KLF12: variants seen among roughly 807,000 people sequenced by gnomAD.
KLF12 encodes Krueppel-like factor 12.
KLF12 carries 9 observed loss-of-function variants against 37.8 expected under a neutral mutation model. The ratio of observed to expected loss-of-function variants is 0.24; its 90% confidence interval spans 0.14 to 0.42. The LOEUF is 0.42. Ranked by LOEUF, KLF12 falls within the 10% of genes least tolerant of loss-of-function variation. The pLI is 1.00. For synonymous variants in KLF12, 208 were observed against 202.1 expected (o/e 1.03, Z -0.25); for missense variants, 411 against 516.0 (o/e 0.80, Z 1.97).
chr13:74,005,786 A>G (rs1892396064), intron 1 of KLF12, among the ~76,000 whole-genome samples: 1 of 152,142 alleles, frequency 6.6e-6, no homozygotes. Flanking sequence ...AAAACATACA[A>G]ATTTCCTTCA....
the KLF12 span, among the ~76,000 whole-genome samples, chr13:74,180,374 A>G: frequency 2.0e-5 from 3 of 152,162 alleles, no homozygotes; most frequent in African/African-American, 7.2e-5. Flanking sequence ...TTCTTTTCTC[A>G]TTTCTTCTAA....
At chr13:74,250,180 T>C in the KLF12 span, among the ~76,000 whole-genome samples, 2 of 152,056 alleles carry the variant, frequency 1.3e-5, no homozygotes, top group Non-Finnish European at 2.9e-5. Context: ...AGAGGGAAGA[T>C]TGAGGAATTC....
intron 3 of KLF12, among the ~76,000 whole-genome samples, chr13:73,926,628 CTCTTT>C (rs1445662478): frequency 3.9e-5 from 3 of 77,450 alleles, no homozygotes; most frequent in Non-Finnish European, 1.1e-4. Context: ...TTCTCTCTCT[CTCTTT>C]TTTTTTTTTT....
chr13:73,929,560 T>C (rs568652876), intron 3 of KLF12, among the ~76,000 whole-genome samples: 67 of 152,254 alleles, frequency 4.4e-4, no homozygotes, highest in African/African-American at 1.6e-3. Context: ...ATCCCCTCCG[T>C]ATAGTTTAAG....
intron 7 of KLF12, 134 bp downstream of exon 7, chr13:73,715,234 C>CATTCCGCCTA: frequency 1.6e-6 from 1 of 621,400 alleles, no homozygotes; most frequent in East Asian, 2.9e-5. Context: ...AGAGAGAATA[C>CATTCCGCCTA]ATTCCGCCTA....
chr13:73,721,718 A>AT (rs11390848), intron 6 of KLF12, among the ~76,000 whole-genome samples: 84,454 of 145,324 alleles, frequency 0.58, 25,353 homozygotes, highest in East Asian at 0.72. Flanking sequence ...TGCCTAGTTA[A>AT]TTTTTTTTTT....
At chr13:74,111,258 G>A (rs1016833085) in intron 1 of KLF12, among the ~76,000 whole-genome samples, 2 of 151,988 alleles carry the variant, frequency 1.3e-5, no homozygotes, top group Non-Finnish European at 2.9e-5. Context: ...GATGTACTCA[G>A]TGAAGGAAAA....
At chr13:73,871,625 A>AG (rs147320350) in intron 3 of KLF12, among the ~76,000 whole-genome samples, 2,387 of 152,236 alleles carry the variant, frequency 0.016, 63 homozygotes, top group African/African-American at 0.055. Context: ...TGGGCCCTTC[A>AG]CACATTCGCT....
intron 3 of KLF12, among the ~76,000 whole-genome samples, chr13:73,911,919 C>T (rs1331435810): frequency 6.6e-6 from 1 of 152,122 alleles, no homozygotes; most frequent in Non-Finnish European, 1.5e-5. Context: ...GTTTCTGTTC[C>T]TTTTATGTTT....
chr13:74,051,009 T>C (rs1048689319), intron 1 of KLF12, among the ~76,000 whole-genome samples: 4 of 152,158 alleles, frequency 2.6e-5, no homozygotes, highest in African/African-American at 7.2e-5. Flanking sequence ...GCTGTTAGAA[T>C]GGCCATTATC....
chr13:74,129,980 G>A (rs1013406513), intron 1 of KLF12, among the ~76,000 whole-genome samples: 3 of 152,164 alleles, frequency 2.0e-5, no homozygotes, highest in Non-Finnish European at 4.4e-5. Flanking sequence ...GAATTCTGGC[G>A]GGTGGAAGTC....
At position 73,715,449 on chromosome 13, in the gene KLF12, T is replaced by C; in HGVS notation, c.946A>G (p.Ile316Val). The stretch of plus-strand genomic sequence containing the variant: ...CATCCCTCAAAATCACATCTGTGGA[T>C]ACGCCGTTTTCTGGAGTCTGGGGAT... Residue 316 changes from isoleucine to valine, a missense_variant, in exon 7 of 8, where the codon ATC becomes GTC. This residue lies in a region of KLF12 where 351 missense variants were observed against 397.8 expected (regional missense o/e 0.88). Coordinates refer to ENST00000377669, the MANE Select transcript of KLF12 (RefSeq NM_007249.5). 6.2e-7 allele frequency: 1 copy of C among 1,614,130 alleles called. No individual in the cohort carries two copies.
At chr13:74,206,658 A>G in the KLF12 span, among the ~76,000 whole-genome samples, 3 of 152,358 alleles carry the variant, frequency 2.0e-5, no homozygotes. Context: ...GTTCTAGAAT[A>G]AGAATGAATG....
At chr13:73,919,635 T>G (rs1296850687) in intron 3 of KLF12, among the ~76,000 whole-genome samples, 1 of 152,218 alleles carries the variant, frequency 6.6e-6, no homozygotes, top group African/African-American at 2.4e-5. Context: ...TGCATTTCAC[T>G]CGTCTCCAAT....
intron 2 of KLF12, among the ~76,000 whole-genome samples, chr13:73,955,831 C>G (rs767265359): frequency 1.3e-5 from 2 of 152,170 alleles, no homozygotes; most frequent in Non-Finnish European, 2.9e-5. Context: ...TGCTAAATTT[C>G]AAAATTAGCC....
the KLF12 span, among the ~76,000 whole-genome samples, chr13:74,275,878 CTTCT>C: frequency 0.19 from 10,131 of 53,094 alleles, 1,389 homozygotes; most frequent in African/African-American, 0.22. Flanking sequence ...ATCTTTCTTT[CTTCT>C]TTCTTTCTTT....
intron 6 of KLF12, among the ~76,000 whole-genome samples, chr13:73,763,582 G>A (rs1015988521): frequency 1.3e-5 from 2 of 152,132 alleles, no homozygotes; most frequent in African/African-American, 4.8e-5. Flanking sequence ...CAATACTTCA[G>A]AGAGGAAAAG....
intron 2 of KLF12, among the ~76,000 whole-genome samples, chr13:73,958,872 G>T (rs112340057): frequency 0.082 from 12,404 of 151,994 alleles, 662 homozygotes; most frequent in Admixed American, 0.12. Flanking sequence ...CCCAAACAAC[G>T]AACTGCTCTA....
chr13:73,738,092 C>CATATATATATATAT (rs778759106), intron 6 of KLF12, among the ~76,000 whole-genome samples: 6 of 116,734 alleles, frequency 5.1e-5, no homozygotes, highest in East Asian at 5.5e-4. Context: ...TGTATGTGTA[C>CATATATATATATAT]ATATATATAT....
Sources: gnomAD v4.1 joint callset for allele counts (sites outside exome capture counted in the v4.1 genomes callset) on GRCh38, gnomAD v4.1.1 for gene constraint, gnomAD v4.1.1 regional missense constraint, MANE v1.5 for transcripts, NCBI Gene and HGNC (gene_info 2026-07-23, HGNC 2026-07-21) for gene names.